SLC9A3: variants seen among roughly 807,000 people sequenced by gnomAD.
SLC9A3 encodes the protein solute carrier family 9 member A3, also known as sodium/hydrogen exchanger 3.
Under a neutral mutation model 86.8 loss-of-function variants are expected in SLC9A3, and 37 were observed. That is an observed-to-expected ratio of 0.43 (90% CI 0.33 to 0.56). The LOEUF (loss-of-function observed/expected upper bound fraction) is 0.56, where lower values mean the gene tolerates loss of function less well. Ranked by LOEUF, SLC9A3 falls within the 20% of genes least tolerant of loss-of-function variation. The pLI, the probability that SLC9A3 is intolerant of heterozygous loss-of-function variation, is 0.06. For synonymous variants in SLC9A3, 581 were observed against 528.3 expected (o/e 1.10, Z -1.37); for missense variants, 1,011 against 1,171.9 (o/e 0.86, Z 2.00).
rs969230935 is a variant in SLC9A3, at chr5:472,738, G to T, written c.*641C>A. On this transcript the variant is annotated 3_prime_UTR_variant, in exon 17 of 17. Coordinates refer to ENST00000264938, the MANE Select transcript of SLC9A3 (RefSeq NM_004174.4). ...GGCGCTCGGCCCAGGCCGCTTGCGGGCGCTGGGCCTGCAGCCGCTGCAGGT... is the reference window on the plus strand; with the variant it reads ...GGCGCTCGGCCCAGGCCGCTTGCGGTCGCTGGGCCTGCAGCCGCTGCAGGT... The T allele has an allele frequency of 3.5e-6, 2 of 578,390 alleles. No homozygotes were observed. The highest frequency in any genetic ancestry group is 4.4e-5 in the Admixed American group (2 of 45,718). The allele number at this position is 578,390 out of a possible 1,614,324, so 35.8% of individuals were successfully genotyped here.
At chr5:518,604 A>G (rs934890682) in intron 1 of SLC9A3, among the ~76,000 whole-genome samples, 1 of 152,294 alleles carries the variant, frequency 6.6e-6, no homozygotes, top group South Asian at 2.1e-4. Context: ...CGCTGGGCAG[A>G]TGATGTGCAG....
chr5:473,240 C>T lies in SLC9A3; in HGVS notation c.*139G>A, dbSNP rs1287162456. The T allele has an allele frequency of 3.1e-6, 3 of 953,744 alleles. No individual in the cohort carries two copies. The highest frequency in any genetic ancestry group is 1.8e-5 in the African/African-American group (1 of 54,086). The allele number at this position is 953,744 out of a possible 1,614,324, so 59.1% of individuals were successfully genotyped here. On this transcript the variant is annotated 3_prime_UTR_variant, in exon 17 of 17. Coordinates refer to ENST00000264938, the MANE Select transcript of SLC9A3 (RefSeq NM_004174.4). ...TCTCGGAGTTCTGCGCAGGCGCTGG[C>T]GTGGGCGAGGCGGGGCTCGGGGCTC...
At chr5:513,191 C>T (rs1733620425) in intron 1 of SLC9A3, among the ~76,000 whole-genome samples, 1 of 152,084 alleles carries the variant, frequency 6.6e-6, no homozygotes, top group African/African-American at 2.4e-5. Context: ...CAGCAGACCA[C>T]AAAGCCAGGG....
rs538059416 is a variant in SLC9A3 at position 479,214 on chromosome 5, C to G, written c.1647+622G>C. The G allele has an allele frequency of 2.0e-5, 3 of 153,052 alleles. No homozygotes were observed. The East Asian group carries it at 5.8e-4, about 29-fold the overall frequency. 9.5% of individuals were successfully genotyped at this position (153,052 alleles called of 1,614,324 possible). ...CCTTGCACACTTCCTGCAGCCAGGG[C>G]GCCCCTGGGGAGGTCAGGGCAGGCC... On this transcript the variant is annotated intron_variant, in intron 10 of 16. Coordinates refer to ENST00000264938, the MANE Select transcript of SLC9A3 (RefSeq NM_004174.4).
intron 3 of SLC9A3, among the ~76,000 whole-genome samples, chr5:486,167 G>A (rs549480720): frequency 1.5e-5 from 2 of 134,778 alleles, no homozygotes. Flanking sequence ...TTTCAGAGGG[G>A]AGAGGAAGCT....
chr5:474,298 A>C (rs1322266535), intron 16 of SLC9A3, among the ~76,000 whole-genome samples: 2 of 6,498 alleles, frequency 3.1e-4, no homozygotes, highest in Non-Finnish European at 8.8e-4. Flanking sequence ...GGAGAGAGAG[A>C]GAGCGAGCCA....
intron 1 of SLC9A3, among the ~76,000 whole-genome samples, chr5:517,448 T>A (rs967404990): frequency 6.7e-6 from 1 of 148,204 alleles, no homozygotes. Context: ...TATTCACTCA[T>A]CCATTCATCC....
At chr5:513,641 C>T (rs112889024) in intron 1 of SLC9A3, among the ~76,000 whole-genome samples, 8 of 152,308 alleles carry the variant, frequency 5.3e-5, no homozygotes, top group African/African-American at 1.9e-4. Context: ...CGTCTGACTT[C>T]ACAGCACACA....
intron 5 of SLC9A3, among the ~76,000 whole-genome samples, chr5:484,043 T>C (rs1408939431): frequency 6.6e-6 from 1 of 152,178 alleles, no homozygotes; most frequent in Non-Finnish European, 1.5e-5. Flanking sequence ...CCGGTGTCCA[T>C]GCGGCTGGCA....
At position 473,205 on chromosome 5, in the gene SLC9A3, G is replaced by A. The variant is rs1248918366; in HGVS notation, c.*174C>T. ...GCCCTCGGGCGGCTCTGCGGGCGCA[G>A]GCGCGGCACTCTCGGAGTTCTGCGC... On this transcript the variant is annotated 3_prime_UTR_variant, in exon 17 of 17. Coordinates refer to ENST00000264938, the MANE Select transcript of SLC9A3 (RefSeq NM_004174.4). 1 of 687,252 alleles carries A rather than the reference G, an allele frequency of 1.5e-6. No homozygotes were observed. Among genetic ancestry groups the A allele is most frequent in the African/African-American group, 1.9e-5 (1 of 53,108 alleles). 42.6% of individuals were successfully genotyped at this position (687,252 alleles called of 1,614,324 possible). A position where few individuals can be genotyped will look rare whatever the true frequency, so the allele number is the denominator to read the frequency against.
chr5:483,298 G>A lies in SLC9A3; in HGVS notation c.1117C>T (p.Leu373=). The A allele has an allele frequency of 1.3e-6, 2 of 1,556,928 alleles. No homozygotes were observed. Among genetic ancestry groups the A allele is most frequent in the Non-Finnish European group, 1.7e-6 (2 of 1,149,988 alleles). ...IWTWNTAFVL[L]TLVFISVYRA... ...TACACGGAGATGAAGACCAGCGTCA[G>A]GAGCACGAAGGCCGTGTTCCAGGTC... Residue 373 remains leucine, a synonymous_variant, in exon 6 of 17, where the codon CTG becomes TTG. Coordinates refer to ENST00000264938, the MANE Select transcript of SLC9A3 (RefSeq NM_004174.4).
intron 1 of SLC9A3, among the ~76,000 whole-genome samples, chr5:505,244 G>A (rs1366301005): frequency 3.0e-4 from 1 of 3,338 alleles, no homozygotes; most frequent in African/African-American, 1.7e-3. Flanking sequence ...GTGACCATGG[G>A]GGGGGGAGAG....
intron 1 of SLC9A3, among the ~76,000 whole-genome samples, chr5:514,503 G>A (rs916490685): frequency 3.3e-5 from 5 of 152,190 alleles, no homozygotes; most frequent in African/African-American, 1.2e-4. Flanking sequence ...GCTCACTGTG[G>A]CCCCTCAGGC....
At position 496,916 on chromosome 5, in the gene SLC9A3, A is replaced by G. The variant is rs1162095553; in HGVS notation, c.212-4845T>C. ...AAAAAATACAAAAACTCTGCTGGGC[A>G]TGGTGGCACACAACTGTAGTCCCAG... On this transcript the variant is annotated intron_variant, in intron 1 of 16. Transcript: ENST00000264938. This position sits in a 1 kb window ranked among gnomAD's most constrained non-coding sequence, Gnocchi z 4.7. Among the ~76,000 whole-genome samples, 1 of 152,110 alleles carries G rather than the reference A, an allele frequency of 6.6e-6. No individual in the cohort carries two copies. Among genetic ancestry groups the G allele is most frequent in the Non-Finnish European group, 1.5e-5 (1 of 68,020 alleles).
chr5:483,422 C>T lies in SLC9A3; in HGVS notation c.993G>A (p.Ser331=), dbSNP rs772740820. 2.2e-5 allele frequency: 35 copies of T among 1,584,558 alleles called. No homozygotes were observed. Among genetic ancestry groups the T allele is most frequent in the African/African-American group, 9.4e-5 (7 of 74,280 alleles). The change falls in exon 6 of 17, where the codon TCG becomes TCA. Residue 331 remains serine, a synonymous_variant. Coordinates refer to ENST00000264938, the MANE Select transcript of SLC9A3 (RefSeq NM_004174.4). ...TCATGGTGTAGCGCACGGTGGTGGCCGACTGCTCCGAGATGTTGGCCTTCA... is the reference window on the plus strand; with the variant it reads ...TCATGGTGTAGCGCACGGTGGTGGCTGACTGCTCCGAGATGTTGGCCTTCA... ...KYVKANISEQ[S]ATTVRYTMKM...
At chr5:509,582 G>C (rs570039930) in intron 1 of SLC9A3, among the ~76,000 whole-genome samples, 2 of 152,126 alleles carry the variant, frequency 1.3e-5, no homozygotes, top group African/African-American at 4.8e-5. Context: ...TGGAACCCTG[G>C]AACTCAGGCG....
rs200749409 is a variant in SLC9A3, at chr5:482,529, T to G, written c.1356+19A>C. On this transcript the variant is annotated intron_variant, in intron 7 of 16. Transcript: ENST00000264938. ...GCGGGCGGGGCCGAGACCCCAGGGC[T>G]GGCTGGGCTGGGCCTCACCTGGAAG... The G allele has an allele frequency of 7.8e-5, 125 of 1,596,824 alleles. No homozygotes were observed. In the African/African-American group the frequency reaches 1.6e-3, roughly 20 times the overall value.
In SLC9A3 at chr5:472,580, G is replaced by A. The variant is rs993084048; in HGVS notation, c.*799C>T. On this transcript the variant is annotated 3_prime_UTR_variant, in exon 17 of 17. Coordinates refer to ENST00000264938, the MANE Select transcript of SLC9A3 (RefSeq NM_004174.4). ...GGGCCGCCACCCTGAGACCGGGCGC[G>A]GGCAGGACGGAACCTGGGGGGGAAA... 2 of 367,810 alleles carry A rather than the reference G, an allele frequency of 5.4e-6. No homozygotes were observed. The highest frequency in any genetic ancestry group is 1.9e-5 in the South Asian group (1 of 53,012). 22.8% of individuals were successfully genotyped at this position (367,810 alleles called of 1,614,324 possible).
rs1738491952 is a variant in SLC9A3, at chr5:473,218, C to G, written c.*161G>C. The G allele has an allele frequency of 3.8e-6, 3 of 781,092 alleles. No homozygotes were observed. The highest frequency in any genetic ancestry group is 4.5e-5 in the Admixed American group (1 of 22,094). 48.4% of individuals were successfully genotyped at this position (781,092 alleles called of 1,614,324 possible). A position where few individuals can be genotyped will look rare whatever the true frequency, so the allele number is the denominator to read the frequency against. The stretch of plus-strand genomic sequence containing the variant: ...TCTGCGGGCGCAGGCGCGGCACTCT[C>G]GGAGTTCTGCGCAGGCGCTGGCGTG... On this transcript the variant is annotated 3_prime_UTR_variant, in exon 17 of 17. Coordinates refer to ENST00000264938, the MANE Select transcript of SLC9A3 (RefSeq NM_004174.4).
Sources: allele counts gnomAD v4.1 joint callset (sites outside exome capture counted in the v4.1 genomes callset), GRCh38; gene constraint gnomAD v4.1.1; non-coding constraint Gnocchi (gnomAD v3.1); transcripts MANE v1.5; gene names NCBI Gene and HGNC (gene_info 2026-07-23, HGNC 2026-07-21).